The following FBP2 variants were observed in gnomAD, a reference collection of about 807,000 sequenced individuals.
FBP2 encodes the protein fructose-bisphosphatase 2.
Under a neutral mutation model 31.6 loss-of-function variants are expected in FBP2, and 27 were observed. That is an observed-to-expected ratio of 0.85 (90% CI 0.63 to 1.18). The LOEUF (loss-of-function observed/expected upper bound fraction) is 1.18. Ranked by LOEUF, FBP2 falls within the 50% of genes most tolerant of loss-of-function variation. The probability of loss-of-function intolerance (pLI) is 0.00; values close to 1 mark genes in which losing one functional copy is unlikely to be tolerated. For missense variants in FBP2, 421 were observed against 436.1 expected (o/e 0.97, Z 0.31); for synonymous variants, 168 against 179.8 (o/e 0.93, Z 0.53).
At chr9:94,587,631 C>A (rs1827443363) in intron 1 of FBP2, among the ~76,000 whole-genome samples, 162 bp from the exon 2 acceptor site, 3 of 151,310 alleles carry the variant, frequency 2.0e-5, no homozygotes, top group South Asian at 4.2e-4. Context: ...TGGCAGGATA[C>A]CTCTCAGCCT....
chr9:94,578,752 A>G (rs549989567), intron 3 of FBP2, among the ~76,000 whole-genome samples: 66 of 152,256 alleles, frequency 4.3e-4, no homozygotes, highest in Admixed American at 9.2e-4. Flanking sequence ...TTGTATTCGT[A>G]TTGTAAAAAT....
chr9:94,587,168 G>A (rs948103734), intron 2 of FBP2, 139 bp downstream of exon 2: 12 of 698,868 alleles, frequency 1.7e-5, no homozygotes, highest in Admixed American at 3.2e-5. Context: ...AAGTAGAGAA[G>A]TATGTAATCC....
intron 1 of FBP2, among the ~76,000 whole-genome samples, chr9:94,590,878 G>C (rs959831628): frequency 1.1e-4 from 16 of 152,094 alleles, no homozygotes; most frequent in Non-Finnish European, 1.8e-4. Context: ...GGTTCTCCAC[G>C]TCCCCATCAG....
At chr9:94,562,038 G>A (rs922198342) in intron 6 of FBP2, among the ~76,000 whole-genome samples, 2 of 151,990 alleles carry the variant, frequency 1.3e-5, no homozygotes, top group South Asian at 2.1e-4. Flanking sequence ...TTCGCCGGGC[G>A]CTGTGACTCA....
intron 5 of FBP2, among the ~76,000 whole-genome samples, chr9:94,565,732 T>C (rs1827177086): frequency 2.4e-5 from 2 of 85,026 alleles, no homozygotes; most frequent in African/African-American, 8.8e-5. Context: ...TATAGGTAGA[T>C]AGATGATAGA....
rs1827210837 is a variant in FBP2 at position 94,567,656 on chromosome 9, T to C, written c.568-249A>G. 1.6e-5 allele frequency: 7 copies of C among 442,952 alleles called. No homozygotes were observed. The East Asian group carries it at 2.4e-4, about 15-fold the overall frequency. 27.4% of individuals were successfully genotyped at this position (442,952 alleles called of 1,614,324 possible). On this transcript the variant is annotated intron_variant, in intron 4 of 6. Coordinates refer to ENST00000375337, the MANE Select transcript of FBP2 (RefSeq NM_003837.4). ...AAGACAATTCTAAGGAAGCAGCCCA[T>C]AGTCTTCTTTCTTTTCCTGTGCATC...
Position 94,558,856 on chromosome 9 carries a change from C to G in FBP2, c.*82G>C. On this transcript the variant is annotated 3_prime_UTR_variant, in exon 7 of 7. Coordinates refer to ENST00000375337, the MANE Select transcript of FBP2 (RefSeq NM_003837.4). ...GGATTTACCTTTTGTATACTCATAG[C>G]TACCATCTCTGTTTATCGTTCATTT... 2 of 1,305,084 alleles carry G rather than the reference C, an allele frequency of 1.5e-6. No homozygotes were observed. Among genetic ancestry groups the G allele is most frequent in the Non-Finnish European group, 2.2e-6 (2 of 908,354 alleles). 80.8% of individuals were successfully genotyped at this position (1,305,084 alleles called of 1,614,324 possible).
intron 3 of FBP2, among the ~76,000 whole-genome samples, chr9:94,576,034 T>C (rs1244749282): frequency 6.6e-6 from 1 of 152,158 alleles, no homozygotes; most frequent in Non-Finnish European, 1.5e-5. Flanking sequence ...TGTGCCTTCT[T>C]AGAAGTTCCA....
intron 3 of FBP2, among the ~76,000 whole-genome samples, chr9:94,581,081 T>A (rs1308637514): frequency 6.6e-6 from 1 of 152,268 alleles, no homozygotes; most frequent in Non-Finnish European, 1.5e-5. Context: ...TTAAAATGCT[T>A]AACTACCTAT....
chr9:94,561,569 G>A (rs1827103882), intron 6 of FBP2, among the ~76,000 whole-genome samples: 1 of 151,998 alleles, frequency 6.6e-6, no homozygotes, highest in South Asian at 2.1e-4. Context: ...GTTTCACTGT[G>A]TTAGCCAGGA....
At chr9:94,589,776 A>C (rs1182832374) in intron 1 of FBP2, among the ~76,000 whole-genome samples, 1 of 136,026 alleles carries the variant, frequency 7.4e-6, no homozygotes, top group Non-Finnish European at 1.5e-5. Context: ...TTGGTGTCTG[A>C]GGAACCATGA....
intron 1 of FBP2, among the ~76,000 whole-genome samples, chr9:94,589,321 C>T (rs950109421): frequency 6.6e-6 from 1 of 152,182 alleles, no homozygotes; most frequent in African/African-American, 2.4e-5. Context: ...GCAGTGCTCT[C>T]TGCCCGGCTT....
intron 2 of FBP2, 85 bp downstream of exon 2, chr9:94,587,221 CG>C (rs1827436690): frequency 1.7e-6 from 2 of 1,178,672 alleles, no homozygotes; most frequent in Non-Finnish European, 2.4e-6. Flanking sequence ...AGGAGAATCC[CG>C]GGAATTAAAG....
intron 3 of FBP2, 28 bp downstream of exon 3, chr9:94,584,549 G>C (rs370956461): frequency 1.8e-4 from 252 of 1,371,496 alleles, no homozygotes; most frequent in Admixed American, 2.5e-4. Context: ...ACAGGAAGGA[G>C]GTGTAAAATG....
chr9:94,577,348 C>T (rs989810136), intron 3 of FBP2: 3 of 152,174 alleles, frequency 2.0e-5, no homozygotes, highest in Non-Finnish European at 4.4e-5. Flanking sequence ...ACATCATGGC[C>T]TCTGATTTTG....
chr9:94,590,456 G>GAGT (rs148895885), intron 1 of FBP2, among the ~76,000 whole-genome samples: 5 of 151,744 alleles, frequency 3.3e-5, no homozygotes, highest in African/African-American at 1.2e-4. Context: ...TCCCCTGCCT[G>GAGT]GGTGGTGGTG....
intron 2 of FBP2, chr9:94,586,679 G>A (rs1827430945): frequency 6.6e-6 from 1 of 152,198 alleles, no homozygotes; most frequent in Non-Finnish European, 1.5e-5. Context: ...ATGGCCTCTT[G>A]TCTATTGACT....
At chr9:94,566,036 GTTC>G (rs1430206997) in intron 5 of FBP2, among the ~76,000 whole-genome samples, 2 of 152,218 alleles carry the variant, frequency 1.3e-5, no homozygotes, top group Non-Finnish European at 2.9e-5. Context: ...TCACCGTAGA[GTTC>G]TTCTCCACCA....
rs555438974 is a variant in FBP2 at position 94,567,692 on chromosome 9, A to G, written c.568-285T>C. 5.3e-4 allele frequency: 186 copies of G among 354,178 alleles called. 1 individual carries two copies. Among genetic ancestry groups the G allele is most frequent in the South Asian group, 1.4e-3 (22 of 15,508 alleles). The allele number at this position is 354,178 out of a possible 1,614,324, so 21.9% of individuals were successfully genotyped here. ...CTTTTCCTGTGCATCTTCCACTGTC[A>G]GTGAGGCTCCTCATTTATGGTGAAC... On this transcript the variant is annotated intron_variant, in intron 4 of 6. Coordinates refer to ENST00000375337, the MANE Select transcript of FBP2 (RefSeq NM_003837.4).
Sources: gnomAD v4.1 joint callset for allele counts (sites outside exome capture counted in the v4.1 genomes callset) on GRCh38, gnomAD v4.1.1 for gene constraint, MANE v1.5 for transcripts, NCBI Gene and HGNC (gene_info 2026-07-23, HGNC 2026-07-21) for gene names.